Variants in DCDC1 observed in about 807,000 individuals in gnomAD.
DCDC1 encodes the protein doublecortin domain-containing protein 1.
A neutral mutation model predicts 178.3 loss-of-function variants in DCDC1; 200 were observed. The observed-to-expected ratio is 1.12, with a 90% CI of 1.00 to 1.26. The LOEUF (loss-of-function observed/expected upper bound fraction) is 1.26. Among genes scored for constraint, DCDC1 ranks in the 50% most tolerant of loss-of-function variants. DCDC1 has a pLI of 0.00. For missense variants in DCDC1, 1,983 were observed against 1,749.2 expected (o/e 1.13, Z -2.38); for synonymous variants, 690 against 604.8 (o/e 1.14, Z -2.07).
At position 30,922,573 on chromosome 11, in the gene DCDC1, T is replaced by C. The variant is rs964807017; in HGVS notation, c.3063A>G (p.Gln1021=). 3.1e-6 allele frequency: 5 copies of C among 1,588,668 alleles called. No individual in the cohort carries two copies. In the African/African-American group the frequency reaches 6.8e-5, roughly 22 times the overall value. The change falls in exon 24 of 39, where the codon CAA becomes CAG. Residue 1021 remains glutamine (Q), a synonymous_variant. Transcript: ENST00000684477. ...PDLSIAQQKK[Q]IFLRNLESDI... ...CTGATTCTAGGTTCCTCAGGAATAT[T>C]TGTTTCTTTTGCTGAGCAATGGACA...
At chr11:31,056,846 G>A (rs984621805) in intron 20 of DCDC1, among the ~76,000 whole-genome samples, 1 of 152,012 alleles carries the variant, frequency 6.6e-6, no homozygotes, top group Non-Finnish European at 1.5e-5. Context: ...ACAGAACACT[G>A]CACCCCCAAA....
rs1475973798 is a variant in DCDC1 at position 31,315,133 on chromosome 11, T to C, written c.165-7225A>G. 1.3e-5 allele frequency among the ~76,000 whole-genome samples: 2 copies of C among 152,052 alleles called. 1 individual carries two copies. Among genetic ancestry groups the C allele is most frequent in the Non-Finnish European group, 2.9e-5 (2 of 68,000 alleles). On this transcript the variant is annotated intron_variant, in intron 3 of 38. Transcript: ENST00000684477. ...TTCTCATTTCCTCTCCTTAATGGCA[T>C]TAGTAAACCTTAGTGACTTTTTATA... is the stretch of plus-strand genomic sequence containing the variant.
intron 20 of DCDC1, among the ~76,000 whole-genome samples, chr11:31,044,373 A>AG (rs1590859113): frequency 6.7e-6 from 1 of 149,676 alleles, no homozygotes; most frequent in East Asian, 2.0e-4. Context: ...GCTGCTCAGG[A>AG]GGCTGAGGCA....
At chr11:31,199,138 G>A (rs1046258567) in intron 9 of DCDC1, among the ~76,000 whole-genome samples, 3 of 152,036 alleles carry the variant, frequency 2.0e-5, no homozygotes, top group Non-Finnish European at 4.4e-5. Context: ...CTTAATCAAT[G>A]ATTCACATTT....
At chr11:31,356,763 T>A (rs566517687) in intron 1 of DCDC1, among the ~76,000 whole-genome samples, 1 of 149,352 alleles carries the variant, frequency 6.7e-6, no homozygotes, top group African/African-American at 2.5e-5. Context: ...ATATCACCAC[T>A]GATCCCACAG....
At chr11:31,335,996 C>A (rs1243414535) in intron 1 of DCDC1, among the ~76,000 whole-genome samples, 1 of 152,172 alleles carries the variant, frequency 6.6e-6, no homozygotes, top group Non-Finnish European at 1.5e-5. Flanking sequence ...TATTCGTTGA[C>A]ATTGTTCTAG....
intron 8 of DCDC1, among the ~76,000 whole-genome samples, chr11:31,245,510 A>G (rs558842820): frequency 4.6e-5 from 7 of 151,930 alleles, no homozygotes; most frequent in Non-Finnish European, 1.0e-4. Flanking sequence ...TTCAAAGCAT[A>G]TTTAGGATGT....
chr11:31,070,854 G>A (rs1216596821), intron 18 of DCDC1, among the ~76,000 whole-genome samples: 1 of 152,104 alleles, frequency 6.6e-6, no homozygotes, highest in Non-Finnish European at 1.5e-5. Flanking sequence ...CTCCACAGGA[G>A]TGCTTATGTC....
At chr11:31,355,820 C>T (rs986957927) in intron 1 of DCDC1, among the ~76,000 whole-genome samples, 21 of 152,088 alleles carry the variant, frequency 1.4e-4, no homozygotes, top group African/African-American at 4.6e-4. Flanking sequence ...CTGCCTGCCT[C>T]GACCTCCCAA....
intron 21 of DCDC1, among the ~76,000 whole-genome samples, chr11:30,946,238 G>T (rs1413255904): frequency 6.6e-6 from 1 of 152,138 alleles, no homozygotes; most frequent in Non-Finnish European, 1.5e-5. Context: ...CACCAGCAGT[G>T]GTGTACGTTA....
intron 1 of DCDC1, among the ~76,000 whole-genome samples, chr11:31,354,993 G>T (rs1951261859): frequency 6.7e-6 from 1 of 150,260 alleles, no homozygotes; most frequent in Non-Finnish European, 1.5e-5. Flanking sequence ...AAGTGGTGTT[G>T]CACTGGGACA....
intron 20 of DCDC1, among the ~76,000 whole-genome samples, chr11:31,038,533 G>A (rs564848862): frequency 6.6e-6 from 1 of 152,294 alleles, no homozygotes; most frequent in South Asian, 2.1e-4. Flanking sequence ...ATGTTATGAT[G>A]ATGAAGTCCT....
chr11:31,366,841 G>A (rs974410842), intron 1 of DCDC1, among the ~76,000 whole-genome samples: 1 of 152,180 alleles, frequency 6.6e-6, no homozygotes. Flanking sequence ...TGTTAACTAC[G>A]TATGAGAAAA....
chr11:31,253,356 A>ATTT (rs1357132704), intron 8 of DCDC1, among the ~76,000 whole-genome samples: 2 of 134,696 alleles, frequency 1.5e-5, no homozygotes, highest in Non-Finnish European at 3.2e-5. Flanking sequence ...AGTTTTGGAG[A>ATTT]TTTTTTTTTT....
chr11:31,056,559 T>G (rs531729272), intron 20 of DCDC1, among the ~76,000 whole-genome samples: 1 of 152,084 alleles, frequency 6.6e-6, no homozygotes, highest in African/African-American at 2.4e-5. Flanking sequence ...CAAAGTAAAC[T>G]TTAAAAAGGG....
chr11:31,207,295 A>T (rs1971969362), intron 9 of DCDC1, among the ~76,000 whole-genome samples: 1 of 152,204 alleles, frequency 6.6e-6, no homozygotes, highest in African/African-American at 2.4e-5. Context: ...GATATTATAA[A>T]TATTATACTA....
chr11:31,082,730 T>C (rs1271622333), intron 17 of DCDC1, among the ~76,000 whole-genome samples: 1 of 152,152 alleles, frequency 6.6e-6, no homozygotes, highest in South Asian at 2.1e-4. Flanking sequence ...TATGTGTTTA[T>C]ACACTCACAC....
intron 20 of DCDC1, among the ~76,000 whole-genome samples, chr11:31,009,438 T>TCG (rs1952038047): frequency 6.9e-6 from 1 of 144,424 alleles, no homozygotes; most frequent in Admixed American, 7.0e-5. Flanking sequence ...CACAGTTTCT[T>TCG]TGTGTGTGTG....
chr11:31,336,700 C>G (rs537067176), intron 1 of DCDC1, among the ~76,000 whole-genome samples: 81 of 152,312 alleles, frequency 5.3e-4, no homozygotes, highest in African/African-American at 1.9e-3. Context: ...TTCTACAAAA[C>G]TAGAATCCCT....
Sources: allele counts gnomAD v4.1 joint callset (sites outside exome capture counted in the v4.1 genomes callset), GRCh38; gene constraint gnomAD v4.1.1; transcripts MANE v1.5; gene names NCBI Gene and HGNC (gene_info 2026-07-23, HGNC 2026-07-21).